AGBL4: variants seen among roughly 807,000 people sequenced by gnomAD.
The protein encoded by AGBL4 is AGBL carboxypeptidase 4.
In AGBL4, 58 loss-of-function variants were observed where a neutral mutation model predicts 66.4. The ratio of observed to expected loss-of-function variants is 0.87; its 90% CI spans 0.71 to 1.09. The LOEUF is 1.09. Ranked by LOEUF, AGBL4 falls within the 50% of genes least tolerant of loss-of-function variation. The probability of loss-of-function intolerance (pLI) is 0.00; values close to 1 mark genes in which losing one functional copy is unlikely to be tolerated. For synonymous variants in AGBL4, 234 were observed against 222.9 expected (o/e 1.05, Z -0.44); for missense variants, 579 against 631.0 (o/e 0.92, Z 0.88).
At chr1:49,545,850 A>T (rs1056337905) in intron 3 of AGBL4, among the ~76,000 whole-genome samples, 20 of 152,220 alleles carry the variant, frequency 1.3e-4, no homozygotes, top group African/African-American at 4.8e-4. Flanking sequence ...ACACAAATCA[A>T]GATATATTAG....
At chr1:49,204,079 A>G (rs1647937993) in intron 4 of AGBL4, among the ~76,000 whole-genome samples, 1 of 152,140 alleles carries the variant, frequency 6.6e-6, no homozygotes, top group Non-Finnish European at 1.5e-5. Context: ...AGGTAGGAAT[A>G]TAGAAGCCAT....
At chr1:49,843,469 C>G (rs1345093470) in intron 2 of AGBL4, among the ~76,000 whole-genome samples, 1 of 152,196 alleles carries the variant, frequency 6.6e-6, no homozygotes, top group Admixed American at 6.5e-5. Flanking sequence ...TTTTCAGCTT[C>G]TAGAGGCACC....
chr1:48,595,465 G>A (rs1299871389), intron 9 of AGBL4, among the ~76,000 whole-genome samples: 1 of 152,236 alleles, frequency 6.6e-6, no homozygotes, highest in African/African-American at 2.4e-5. Flanking sequence ...GCCGGGCCAA[G>A]GGGTGTGTGT....
intron 3 of AGBL4, among the ~76,000 whole-genome samples, chr1:49,573,033 T>A (rs949673553): frequency 6.6e-6 from 1 of 152,156 alleles, no homozygotes; most frequent in Non-Finnish European, 1.5e-5. Flanking sequence ...AGACTCAGAC[T>A]GGCTCTCCTT....
intron 1 of AGBL4, among the ~76,000 whole-genome samples, chr1:49,910,741 C>T (rs1367486289): frequency 1.3e-5 from 2 of 151,994 alleles, no homozygotes; most frequent in African/African-American, 2.4e-5. Flanking sequence ...TTTGGGAGGC[C>T]GAGGCGGGCA....
At chr1:49,866,145 A>C (rs1646695413) in intron 1 of AGBL4, among the ~76,000 whole-genome samples, 1 of 152,192 alleles carries the variant, frequency 6.6e-6, no homozygotes, top group Non-Finnish European at 1.5e-5. Flanking sequence ...GGGGTACCTG[A>C]AAGAGACAGG....
chr1:49,211,169 G>C (rs1035786710), intron 4 of AGBL4, among the ~76,000 whole-genome samples: 1 of 152,068 alleles, frequency 6.6e-6, no homozygotes, highest in African/African-American at 2.4e-5. Context: ...ATTAGTAGCT[G>C]TTCCATTGCT....
chr1:48,621,109 G>T (rs934408233), intron 9 of AGBL4, among the ~76,000 whole-genome samples: 1 of 151,582 alleles, frequency 6.6e-6, no homozygotes, highest in Non-Finnish European at 1.5e-5. Context: ...CTCTAGGGAA[G>T]GGATAGGGAA....
chr1:48,956,988 A>G (rs901219077), intron 5 of AGBL4, among the ~76,000 whole-genome samples: 1 of 152,226 alleles, frequency 6.6e-6, no homozygotes, highest in Non-Finnish European at 1.5e-5. Context: ...TGAATGGCAT[A>G]CTAGTCAATC....
chr1:48,792,721 C>T (rs1369234120), intron 6 of AGBL4, among the ~76,000 whole-genome samples: 1 of 152,124 alleles, frequency 6.6e-6, no homozygotes, highest in Non-Finnish European at 1.5e-5. Flanking sequence ...GAGGGAAAGA[C>T]ACCACTCAGG....
intron 3 of AGBL4, among the ~76,000 whole-genome samples, chr1:49,359,886 G>T (rs1461808004): frequency 6.6e-6 from 1 of 152,058 alleles, no homozygotes; most frequent in Non-Finnish European, 1.5e-5. Flanking sequence ...GGTATCCTGG[G>T]ACATAGTACT....
intron 3 of AGBL4, among the ~76,000 whole-genome samples, chr1:49,257,020 T>C (rs1486193709): frequency 6.6e-6 from 1 of 150,378 alleles, no homozygotes; most frequent in Non-Finnish European, 1.5e-5. Flanking sequence ...GATTAGTTTA[T>C]GGACTCAAAG....
chr1:49,741,961 A>G (rs1305610186), intron 2 of AGBL4, among the ~76,000 whole-genome samples: 1 of 151,960 alleles, frequency 6.6e-6, no homozygotes, highest in Non-Finnish European at 1.5e-5. Context: ...ATGGGCAAAA[A>G]CTGGAAGCAT....
chr1:49,459,841 G>A (rs1307899974), intron 3 of AGBL4, among the ~76,000 whole-genome samples: 1 of 151,566 alleles, frequency 6.6e-6, no homozygotes, highest in Non-Finnish European at 1.5e-5. Context: ...ACATCCCAGA[G>A]GTTTTGATAG....
intron 5 of AGBL4, among the ~76,000 whole-genome samples, chr1:48,871,617 C>A (rs1251250477): frequency 6.6e-6 from 1 of 152,074 alleles, no homozygotes; most frequent in Non-Finnish European, 1.5e-5. Context: ...GCCCCATGGA[C>A]ATTCAGAGGA....
At chr1:48,771,121 T>C (rs1369739575) in intron 6 of AGBL4, among the ~76,000 whole-genome samples, 2 of 152,232 alleles carry the variant, frequency 1.3e-5, no homozygotes, top group African/African-American at 2.4e-5. Flanking sequence ...CTTCCTGCAT[T>C]TCCCTGGAGT....
chr1:49,203,074 A>G (rs1449056076), intron 4 of AGBL4, among the ~76,000 whole-genome samples: 2 of 139,698 alleles, frequency 1.4e-5, no homozygotes, highest in East Asian at 4.3e-4. Context: ...TCCACCCACT[A>G]GGATGGCTAC....
intron 1 of AGBL4, among the ~76,000 whole-genome samples, chr1:49,882,259 G>T (rs1647418328): frequency 6.7e-6 from 1 of 149,400 alleles, no homozygotes; most frequent in Non-Finnish European, 1.5e-5. Context: ...CTCTGTTTTG[G>T]TACCAGTACC....
intron 2 of AGBL4, among the ~76,000 whole-genome samples, chr1:49,834,081 G>C (rs923900421): frequency 7.2e-5 from 11 of 152,126 alleles, no homozygotes; most frequent in African/African-American, 2.7e-4. Flanking sequence ...TTGGTATCAG[G>C]ATTATGATGA....
Sources: allele counts gnomAD v4.1 joint callset (sites outside exome capture counted in the v4.1 genomes callset), GRCh38; gene constraint gnomAD v4.1.1; transcripts MANE v1.5; gene names NCBI Gene and HGNC (gene_info 2026-07-23, HGNC 2026-07-21).